Variants in TDRD15 observed in about 807,000 individuals in gnomAD.
TDRD15 encodes tudor domain-containing protein 15.
For missense variants in TDRD15, 1,416 were observed against 904.7 expected (o/e 1.57, Z -7.25); for synonymous variants, 503 against 314.5 (o/e 1.60, Z -6.34).
chr2:21,124,889 T>C (rs1259579956), intron 1 of TDRD15, among the ~76,000 whole-genome samples: 4 of 148,764 alleles, frequency 2.7e-5, no homozygotes, highest in African/African-American at 1.0e-4. Flanking sequence ...GAAACCCTAA[T>C]GTCAGGGTGT....
At chr2:21,134,238 G>A (rs1330254800) in intron 2 of TDRD15, among the ~76,000 whole-genome samples, 1 of 151,844 alleles carries the variant, frequency 6.6e-6, no homozygotes, top group Non-Finnish European at 1.5e-5. Context: ...CTGTGATGCT[G>A]TGTATTTTTT....
chr2:21,124,566 A>G (rs1288222183), intron 1 of TDRD15, among the ~76,000 whole-genome samples: 1 of 136,502 alleles, frequency 7.3e-6, no homozygotes, highest in Non-Finnish European at 1.5e-5. Context: ...TGTGTGTGTG[A>G]CAGAGTGATC....
chr2:21,128,611 C>A (rs1665647323), intron 2 of TDRD15, among the ~76,000 whole-genome samples: 1 of 152,154 alleles, frequency 6.6e-6, no homozygotes, highest in African/African-American at 2.4e-5. Flanking sequence ...CATGAGCCAC[C>A]ATGCCCGGCC....
At chr2:21,137,270 G>A (rs1665825449) in intron 3 of TDRD15, among the ~76,000 whole-genome samples, 195 bp from the exon 4 acceptor site, 1 of 151,982 alleles carries the variant, frequency 6.6e-6, no homozygotes, top group Admixed American at 6.6e-5. Flanking sequence ...AATTTTAAAA[G>A]TATAGAAAGC....
At position 21,123,985 on chromosome 2, in the gene TDRD15, G is replaced by T. The variant is rs1665528475; in HGVS notation, c.-262G>T. ...CAGGGCCCGAGTCTCCCGCCATCTT[G>T]GGCCCTAGCGGTATTTTTCCAGCTC... On this transcript the variant is annotated 5_prime_UTR_variant, in exon 1 of 4. Transcript: ENST00000405799. 1 of 152,352 alleles carries T rather than the reference G, an allele frequency of 6.6e-6. No individual in the cohort carries two copies. The highest frequency in any genetic ancestry group is 2.4e-5 in the African/African-American group (1 of 41,464). 9.4% of individuals were successfully genotyped at this position (152,352 alleles called of 1,614,324 possible). A position where few individuals can be genotyped will look rare whatever the true frequency, so the allele number is the denominator to read the frequency against.
rs767095462 is a variant in TDRD15 at position 21,142,651 on chromosome 2, A to G, written c.5184A>G (p.Gln1728=). 3.0e-4 allele frequency: 216 copies of G among 712,314 alleles called. 2 individuals are homozygous for G. Among genetic ancestry groups the G allele is most frequent in the Middle Eastern group, 1.6e-3 (7 of 4,354 alleles). 44.1% of individuals were successfully genotyped at this position (712,314 alleles called of 1,614,324 possible). ...CAATAAAATCATTTACTTGGGTTCAATTCCAAAATGATAGGCAGTATTCTG... is the reference window on the plus strand; with the variant it reads ...CAATAAAATCATTTACTTGGGTTCAGTTCCAAAATGATAGGCAGTATTCTG... ...SCTIKSFTWV[Q]FQNDRQYSGI... The change falls in exon 4 of 4, where the codon CAA becomes CAG. Residue 1728 remains glutamine (Q), a synonymous_variant. Coordinates refer to ENST00000405799, the MANE Select transcript of TDRD15 (RefSeq NM_001306137.2).
chr2:21,140,404 G>C lies in TDRD15; in HGVS notation c.2937G>C (p.Lys979Asn). The C allele has an allele frequency of 1.4e-6, 1 of 695,370 alleles. No homozygotes were observed. Among genetic ancestry groups the C allele is most frequent in the Middle Eastern group, 2.4e-4 (1 of 4,198 alleles). 43.1% of individuals were successfully genotyped at this position (695,370 alleles called of 1,614,324 possible). ...TATCTCACATATATAGTCCCCAAAAGTTTTATTGCCAGCTTGGCAGAAATA... is the reference window on the plus strand; with the variant it reads ...TATCTCACATATATAGTCCCCAAAACTTTTATTGCCAGCTTGGCAGAAATA... ...VYISHIYSPQ[K>N]FYCQLGRNNK... The change falls in exon 4 of 4, where the codon AAG becomes AAC. Residue 979 changes from lysine to asparagine, a missense_variant. Physicochemically the swap from Lys to Asn is moderately conservative, Grantham distance 94. Transcript: ENST00000405799.
chr2:21,147,085 A>G (rs1009012454), downstream of TDRD15, among the ~76,000 whole-genome samples: 3 of 152,122 alleles, frequency 2.0e-5, no homozygotes, highest in African/African-American at 4.8e-5. Context: ...CTGGTACATA[A>G]TAAATGCTCA....
chr2:21,129,119 C>T (rs1465176943), intron 2 of TDRD15, among the ~76,000 whole-genome samples: 1 of 152,004 alleles, frequency 6.6e-6, no homozygotes, highest in Non-Finnish European at 1.5e-5. Flanking sequence ...GTATTTATGG[C>T]ATTGTGTTTC....
chr2:21,140,700 T>C lies in TDRD15; in HGVS notation c.3233T>C (p.Ile1078Thr). 1.4e-6 allele frequency: 1 copy of C among 713,922 alleles called. No homozygotes were observed. Among genetic ancestry groups the C allele is most frequent in the Non-Finnish European group, 2.6e-6 (1 of 383,180 alleles). 44.2% of individuals were successfully genotyped at this position (713,922 alleles called of 1,614,324 possible). A position where few individuals can be genotyped will look rare whatever the true frequency, so the allele number is the denominator to read the frequency against. Residue 1078 changes from isoleucine to threonine, a missense_variant, in exon 4 of 4, where the codon ATT (isoleucine) becomes ACT (threonine). Transcript: ENST00000405799. ...TTGTTGTTTACACCTATGCAAGCTA[T>C]TAAGTGTTTTTTGTCAGATCTTAGG... is the stretch of plus-strand genomic sequence containing the variant. Reference protein sequence around the residue: ...PELLFTPMQAIKCFLSDLRDV... With the variant: ...PELLFTPMQATKCFLSDLRDV...
Position 21,142,646 on chromosome 2 carries a change from G to T in TDRD15, c.5179G>T (p.Val1727Phe). The T allele has an allele frequency of 4.2e-6, 3 of 712,202 alleles. No individual in the cohort carries two copies. Among genetic ancestry groups the T allele is most frequent in the Non-Finnish European group, 7.8e-6 (3 of 382,770 alleles). 44.1% of individuals were successfully genotyped at this position (712,202 alleles called of 1,614,324 possible). ...SSCTIKSFTW[V>F]QFQNDRQYSG... Reference sequence around the variant, plus strand: ...ATGCACAATAAAATCATTTACTTGGGTTCAATTCCAAAATGATAGGCAGTA... The same window carrying T: ...ATGCACAATAAAATCATTTACTTGGTTTCAATTCCAAAATGATAGGCAGTA... Residue 1727 changes from valine to phenylalanine, a missense_variant, in exon 4 of 4, where the codon GTT (valine) becomes TTT (phenylalanine). Coordinates refer to ENST00000405799, the MANE Select transcript of TDRD15 (RefSeq NM_001306137.2).
chr2:21,142,169 C>A lies in TDRD15; in HGVS notation c.4702C>A (p.Pro1568Thr). ...VLITKEEKKS[P>T]FLSMESIEKG... ...AATTACGAAAGAAGAAAAAAAATCC[C>A]CTTTTTTATCAATGGAAAGTATTGA... is the stretch of plus-strand genomic sequence containing the variant. The change falls in exon 4 of 4, where the codon CCT becomes ACT. Residue 1568 changes from proline to threonine, a missense_variant. By Grantham distance (38) the Pro-to-Thr change is conservative (BLOSUM62 -1). Coordinates refer to ENST00000405799, the MANE Select transcript of TDRD15 (RefSeq NM_001306137.2). The A allele has an allele frequency of 1.5e-6, 1 of 670,908 alleles. No homozygotes were observed. The highest frequency in any genetic ancestry group is 2.8e-5 in the Admixed American group (1 of 35,744). 41.6% of individuals were successfully genotyped at this position (670,908 alleles called of 1,614,324 possible). A position where few individuals can be genotyped will look rare whatever the true frequency, so the allele number is the denominator to read the frequency against.
chr2:21,145,153 A>G (rs1572305308), downstream of TDRD15, among the ~76,000 whole-genome samples: 1 of 152,036 alleles, frequency 6.6e-6, no homozygotes, highest in African/African-American at 2.4e-5. Flanking sequence ...GGAGTGGGAA[A>G]GAAGCAGTCT....
chr2:21,130,121 G>T (rs1665688656), intron 2 of TDRD15, among the ~76,000 whole-genome samples: 1 of 152,170 alleles, frequency 6.6e-6, no homozygotes, highest in Non-Finnish European at 1.5e-5. Flanking sequence ...ACATCTCAAT[G>T]ATTAAGTTGC....
rs1665978094 is a variant in TDRD15 at position 21,143,440 on chromosome 2, A to G, written c.*168A>G. ...TCGTATTAGTAAAAGATCACATTCT[A>G]GAAATTTAACAGTGAGAAAGAAAGT... On this transcript the variant is annotated 3_prime_UTR_variant, in exon 4 of 4. Coordinates refer to ENST00000405799, the MANE Select transcript of TDRD15 (RefSeq NM_001306137.2). 6.6e-6 allele frequency among the ~76,000 whole-genome samples: 1 copy of G among 151,658 alleles called. No homozygotes were observed. Among genetic ancestry groups the G allele is most frequent in the South Asian group, 2.1e-4 (1 of 4,830 alleles).
intron 3 of TDRD15, among the ~76,000 whole-genome samples, chr2:21,136,467 T>C (rs1331984393): frequency 6.6e-6 from 1 of 152,066 alleles, no homozygotes; most frequent in Non-Finnish European, 1.5e-5. Context: ...AGGACTTTGC[T>C]ATTTCTTTCA....
rs1665994195 is a variant in TDRD15 at position 21,144,155 on chromosome 2, A to G, written c.*883A>G. On this transcript the variant is annotated 3_prime_UTR_variant, in exon 4 of 4. Transcript: ENST00000405799. ...AGATAAATTTATAAATAAACTGACTAGCATATTTTCTCTTAAGTCTTTTAA... is the reference window on the plus strand; with the variant it reads ...AGATAAATTTATAAATAAACTGACTGGCATATTTTCTCTTAAGTCTTTTAA... 6.6e-6 allele frequency among the ~76,000 whole-genome samples: 1 copy of G among 151,780 alleles called. No individual in the cohort carries two copies. Among genetic ancestry groups the G allele is most frequent in the African/African-American group, 2.4e-5 (1 of 41,394 alleles).
Position 21,139,048 on chromosome 2 carries a change from G to A in TDRD15, c.1581G>A (p.Met527Ile). ...KFYDLCENDEMILRKPEPGLF... is the reference protein window; with the variant it reads ...KFYDLCENDEIILRKPEPGLF... ...ATGATTTGTGTGAAAACGATGAAATGATTCTAAGAAAACCTGAACCTGGAT... is the reference window on the plus strand; with the variant it reads ...ATGATTTGTGTGAAAACGATGAAATAATTCTAAGAAAACCTGAACCTGGAT... The change falls in exon 4 of 4, where the codon ATG becomes ATA. Residue 527 changes from methionine to isoleucine, a missense_variant. Transcript: ENST00000405799. The A allele has an allele frequency of 1.4e-6, 1 of 714,560 alleles. No individual in the cohort carries two copies. 44.3% of individuals were successfully genotyped at this position (714,560 alleles called of 1,614,324 possible).
chr2:21,145,380 A>G (rs1463766659), downstream of TDRD15, among the ~76,000 whole-genome samples: 1 of 151,942 alleles, frequency 6.6e-6, no homozygotes, highest in Non-Finnish European at 1.5e-5. Flanking sequence ...TTTGGCTCTT[A>G]GGTCCTTTAC....
Sources: gnomAD v4.1 joint callset for allele counts (sites outside exome capture counted in the v4.1 genomes callset) on GRCh38, gnomAD v4.1.1 for gene constraint, MANE v1.5 for transcripts, NCBI Gene and HGNC (gene_info 2026-07-23, HGNC 2026-07-21) for gene names.